The following SCAMP1 variants were observed in gnomAD, a reference collection of about 807,000 sequenced individuals.
SCAMP1 encodes secretory carrier-associated membrane protein 1.
SCAMP1 carries 15 observed loss-of-function variants against 41.8 expected under a neutral mutation model. The ratio of observed to expected loss-of-function variants is 0.36; its 90% confidence interval spans 0.24 to 0.55. SCAMP1 has a LOEUF of 0.55. SCAMP1 is among the 20% of genes least tolerant of loss of function. The pLI, the probability that SCAMP1 is intolerant of heterozygous loss-of-function variation, is 0.86. For missense variants in SCAMP1, 341 were observed against 412.6 expected, an observed-to-expected ratio of 0.83 and a Z score of 1.50; for synonymous variants, 135 against 136.8, an observed-to-expected ratio of 0.99 and a Z score of 0.09.
intron 2 of SCAMP1, among the ~76,000 whole-genome samples, chr5:78,399,401 C>T (rs980551093): frequency 2.6e-5 from 4 of 152,164 alleles, no homozygotes; most frequent in African/African-American, 9.7e-5. Context: ...GCCAAACTAT[C>T]TTTCAAAGTC....
chr5:78,421,209 C>A (rs181816218), intron 5 of SCAMP1, among the ~76,000 whole-genome samples: 104 of 152,242 alleles, frequency 6.8e-4, no homozygotes, highest in Non-Finnish European at 1.2e-3. Flanking sequence ...TAAAATGTAT[C>A]ATGTTGTGTG....
chr5:78,441,308 G>C (rs1752918265), intron 6 of SCAMP1, among the ~76,000 whole-genome samples: 1 of 152,180 alleles, frequency 6.6e-6, no homozygotes, highest in African/African-American at 2.4e-5. Flanking sequence ...CTGCAGACCA[G>C]AGCTGTTCCT....
Position 78,364,534 on chromosome 5 carries a change from G to A in SCAMP1, c.57+3806G>A, listed in dbSNP as rs773074182. 7.9e-5 allele frequency among the ~76,000 whole-genome samples: 12 copies of A among 152,124 alleles called. 1 individual carries two copies. Among genetic ancestry groups the A allele is most frequent in the Non-Finnish European group, 1.6e-4 (11 of 68,034 alleles). On this transcript the variant is annotated intron_variant, in intron 1 of 8. Transcript: ENST00000621999. ...GCTCATTGTCTTGTGCCCATGTGTA[G>A]GTAGTGTAGAATTGGCATTAGAACT...
chr5:78,398,530 C>G (rs1333530492), intron 2 of SCAMP1, among the ~76,000 whole-genome samples: 3 of 144,268 alleles, frequency 2.1e-5, no homozygotes, highest in Admixed American at 7.1e-5. Flanking sequence ...GTTTCTGGCC[C>G]AAGGTTCACT....
chr5:78,433,289 T>C (rs1752667249), intron 6 of SCAMP1, among the ~76,000 whole-genome samples: 1 of 152,218 alleles, frequency 6.6e-6, no homozygotes, highest in Non-Finnish European at 1.5e-5. Flanking sequence ...CTTGTTTCTT[T>C]TTATGCCTCA....
intron 6 of SCAMP1, among the ~76,000 whole-genome samples, chr5:78,423,308 C>T (rs1451607606): frequency 6.6e-6 from 1 of 152,142 alleles, no homozygotes; most frequent in Non-Finnish European, 1.5e-5. Flanking sequence ...GAGAGCTTCT[C>T]CTGTAGAGAT....
intron 2 of SCAMP1, among the ~76,000 whole-genome samples, chr5:78,398,510 A>G (rs1751713512): frequency 6.8e-6 from 1 of 147,384 alleles, no homozygotes. Flanking sequence ...GATTACAGGC[A>G]TAAGTCACTG....
chr5:78,396,394 G>A (rs1198715238), intron 2 of SCAMP1, among the ~76,000 whole-genome samples: 2 of 152,172 alleles, frequency 1.3e-5, no homozygotes, highest in African/African-American at 2.4e-5. Context: ...CCATCTTGCT[G>A]TGAACCTAAA....
At chr5:78,372,540 CT>C (rs1478766230) in intron 1 of SCAMP1, among the ~76,000 whole-genome samples, 3 of 145,364 alleles carry the variant, frequency 2.1e-5, no homozygotes, top group Admixed American at 7.5e-5. Context: ...AAACTAATAG[CT>C]CAGATATTAA....
chr5:78,470,743 CTT>C (rs970483385), intron 8 of SCAMP1, among the ~76,000 whole-genome samples: 3 of 152,164 alleles, frequency 2.0e-5, no homozygotes, highest in African/African-American at 4.8e-5. Context: ...CCTCCAAACT[CTT>C]TTCTGGAAGG....
chr5:78,447,229 C>T (rs1421388165), intron 6 of SCAMP1, among the ~76,000 whole-genome samples: 1 of 152,218 alleles, frequency 6.6e-6, no homozygotes, highest in Non-Finnish European at 1.5e-5. Context: ...GGGACCACTG[C>T]TTTAATGTAT....
chr5:78,387,710 C>T (rs12653089), intron 1 of SCAMP1, among the ~76,000 whole-genome samples: 36,324 of 151,986 alleles, frequency 0.24, 4,808 homozygotes, highest in East Asian at 0.54. Flanking sequence ...AGCTGAACTA[C>T]AGTGATTGTT....
At position 78,436,597 on chromosome 5, in the gene SCAMP1, A is replaced by T. The variant is rs577129379; in HGVS notation, c.633-13336A>T. On this transcript the variant is annotated intron_variant, in intron 6 of 8. Transcript: ENST00000621999. The stretch of plus-strand genomic sequence containing the variant: ...CATTGGTCTAAATATCTCTTTTGGT[A>T]TCAGTACCATGCTGTTTGGTTACTG... 3.3e-5 allele frequency among the ~76,000 whole-genome samples: 5 copies of T among 152,306 alleles called. No homozygotes were observed. In the East Asian group the frequency reaches 9.6e-4, roughly 29 times the overall value.
At chr5:78,373,008 G>T (rs1465278896) in intron 1 of SCAMP1, among the ~76,000 whole-genome samples, 1 of 152,038 alleles carries the variant, frequency 6.6e-6, no homozygotes, top group Non-Finnish European at 1.5e-5. Context: ...AAATACTGAA[G>T]TTAGAAAAAT....
intron 2 of SCAMP1, among the ~76,000 whole-genome samples, chr5:78,398,359 T>C (rs1751707688): frequency 1.3e-5 from 1 of 74,780 alleles, no homozygotes; most frequent in Non-Finnish European, 3.0e-5. Flanking sequence ...TCACCTCTTT[T>C]TTTTTTTTTT....
At chr5:78,436,229 T>G (rs1017208570) in intron 6 of SCAMP1, among the ~76,000 whole-genome samples, 8 of 152,198 alleles carry the variant, frequency 5.3e-5, no homozygotes, top group Non-Finnish European at 5.9e-5. Context: ...TTAGTTTAAT[T>G]AGATCCCATT....
At chr5:78,369,981 C>A (rs940356206) in intron 1 of SCAMP1, among the ~76,000 whole-genome samples, 1 of 152,194 alleles carries the variant, frequency 6.6e-6, no homozygotes, top group Non-Finnish European at 1.5e-5. Flanking sequence ...TTTTGAAGGC[C>A]ATTTTCAAGA....
intron 1 of SCAMP1, among the ~76,000 whole-genome samples, chr5:78,370,998 T>C (rs10051174): frequency 0.38 from 55,876 of 148,804 alleles, 12,412 homozygotes; most frequent in Non-Finnish European, 0.51. Context: ...ATCCTTTGGC[T>C]ATTCTTAGAT....
In SCAMP1 at chr5:78,416,600, C is replaced by G; in HGVS notation, c.294C>G (p.Ala98=). The change falls in exon 4 of 9, where the codon GCC becomes GCG. Residue 98 remains alanine, a synonymous_variant. Transcript: ENST00000621999. ...LKRQEELERK[A]AELDRREREM... ...GCCAGGAAGAACTAGAAAGAAAAGC[C>G]GCAGAATTAGATCGTCGGGAACGAG... is the stretch of plus-strand genomic sequence containing the variant. The G allele has an allele frequency of 6.2e-7, 1 of 1,600,076 alleles. No homozygotes were observed. Among genetic ancestry groups the G allele is most frequent in the Non-Finnish European group, 8.5e-7 (1 of 1,172,990 alleles).
Sources: allele counts gnomAD v4.1 joint callset (sites outside exome capture counted in the v4.1 genomes callset), GRCh38; gene constraint gnomAD v4.1.1; transcripts MANE v1.5; gene names NCBI Gene and HGNC (gene_info 2026-07-23, HGNC 2026-07-21).